The following SEMA6A variants were observed in gnomAD, a reference collection of about 807,000 sequenced individuals.
The protein encoded by SEMA6A is semaphorin-6A.
A neutral mutation model predicts 96.8 loss-of-function variants in SEMA6A; 25 were observed. The ratio of observed to expected loss-of-function variants is 0.26; its 90% confidence interval spans 0.19 to 0.36. The LOEUF is 0.36. Ranked by LOEUF, SEMA6A falls within the 10% of genes least tolerant of loss-of-function variation. The pLI is 1.00. For missense variants in SEMA6A, 1,363 were observed against 1,323.1 expected (o/e 1.03, Z -0.47); for synonymous variants, 612 against 518.0 (o/e 1.18, Z -2.46).
Position 116,477,999 on chromosome 5 carries a change from A to T in SEMA6A, c.1568+15T>A. ...ACCATGGACTTTCTAATTGTCAATG[A>T]GGCAAAATACATACTTTTTACACTT... On this transcript the variant is annotated intron_variant, in intron 14 of 18. Coordinates refer to ENST00000343348, the MANE Select transcript of SEMA6A (RefSeq NM_020796.5). The T allele has an allele frequency of 6.2e-7, 1 of 1,613,982 alleles. No homozygotes were observed. Among genetic ancestry groups the T allele is most frequent in the Non-Finnish European group, 8.5e-7 (1 of 1,179,864 alleles).
At chr5:116,549,708 C>T (rs1760321206) in intron 1 of SEMA6A, among the ~76,000 whole-genome samples, 1 of 152,140 alleles carries the variant, frequency 6.6e-6, no homozygotes, top group African/African-American at 2.4e-5. Context: ...TTTCTGGTGA[C>T]AACAGGAATG....
At chr5:116,486,110 G>C (rs1757036424) in intron 10 of SEMA6A, among the ~76,000 whole-genome samples, 1 of 152,174 alleles carries the variant, frequency 6.6e-6, no homozygotes, top group Admixed American at 6.5e-5. Flanking sequence ...GTCAGATTCT[G>C]GTGCTGTGGT....
chr5:116,563,415 C>A (rs78612282), intron 1 of SEMA6A, among the ~76,000 whole-genome samples: 2,262 of 152,256 alleles, frequency 0.015, 59 homozygotes, highest in African/African-American at 0.052. Flanking sequence ...TGCAGAATCA[C>A]ATTTTTCCTT....
intron 15 of SEMA6A, among the ~76,000 whole-genome samples, chr5:116,476,988 T>A (rs1177039000): frequency 6.6e-6 from 1 of 152,208 alleles, no homozygotes; most frequent in African/African-American, 2.4e-5. Flanking sequence ...TTTGTTTAGC[T>A]ATTCTGAAAT....
At position 116,447,121 on chromosome 5, in the gene SEMA6A, T is replaced by G; in HGVS notation, c.2585A>C (p.Lys862Thr). The G allele has an allele frequency of 5.0e-6, 8 of 1,613,990 alleles. No individual in the cohort carries two copies. The highest frequency in any genetic ancestry group is 6.8e-6 in the Non-Finnish European group (8 of 1,179,878). ...AAGGTTCACCCCATGGTTGGGACTC[T>G]TGCTGCTGAGATGTTCCTTGATGGT... Reference protein sequence around the residue: ...YKTIKEHLSSKSPNHGVNLVE... With the variant: ...YKTIKEHLSSTSPNHGVNLVE... Residue 862 changes from lysine (K) to threonine (T), a missense_variant, in exon 19 of 19, where the codon AAG becomes ACG. Lys to Thr is a moderately conservative substitution (Grantham distance 78). Coordinates refer to ENST00000343348, the MANE Select transcript of SEMA6A (RefSeq NM_020796.5).
At chr5:116,573,682 G>A (rs1761335715) in intron 1 of SEMA6A, among the ~76,000 whole-genome samples, 1 of 152,062 alleles carries the variant, frequency 6.6e-6, no homozygotes, top group South Asian at 2.1e-4. Context: ...CACCGTCTCC[G>A]CGGAACCCCT....
At chr5:116,540,231 T>C (rs919050734) in intron 1 of SEMA6A, among the ~76,000 whole-genome samples, 1 of 152,248 alleles carries the variant, frequency 6.6e-6, no homozygotes, top group African/African-American at 2.4e-5. Flanking sequence ...GGGAAAAGTA[T>C]GCATTATCAT....
At position 116,478,534 on chromosome 5, in the gene SEMA6A, C is replaced by A; in HGVS notation, c.1427+8G>T. ...AATTACTAAGAAAGAACCAAATATTCCACTTACTTTTCAGAGTTGTAAACA... is the reference window on the plus strand; with the variant it reads ...AATTACTAAGAAAGAACCAAATATTACACTTACTTTTCAGAGTTGTAAACA... On this transcript the variant is annotated splice_region_variant and intron_variant, in intron 13 of 18. Transcript: ENST00000343348. 2 of 1,599,330 alleles carry A rather than the reference C, an allele frequency of 1.3e-6. No individual in the cohort carries two copies. Among genetic ancestry groups the A allele is most frequent in the South Asian group, 1.1e-5 (1 of 87,794 alleles).
intron 6 of SEMA6A, among the ~76,000 whole-genome samples, chr5:116,495,062 G>A (rs1358038548): frequency 6.6e-6 from 1 of 152,160 alleles, no homozygotes; most frequent in Non-Finnish European, 1.5e-5. Context: ...CCATATAAGT[G>A]TGCTTTTGTG....
intron 12 of SEMA6A, 94 bp from the exon 13 acceptor site, chr5:116,478,812 G>A: frequency 1.6e-6 from 2 of 1,232,138 alleles, no homozygotes; most frequent in Non-Finnish European, 2.3e-6. Context: ...TAGCCTTCTA[G>A]TAATAACCTC....
At chr5:116,456,405 C>A (rs557684172) in intron 18 of SEMA6A, among the ~76,000 whole-genome samples, 1 of 152,176 alleles carries the variant, frequency 6.6e-6, no homozygotes, top group East Asian at 1.9e-4. Context: ...TGGATAATTT[C>A]TTTACTGTGG....
chr5:116,520,803 C>T (rs1344911453), intron 1 of SEMA6A, among the ~76,000 whole-genome samples: 3 of 152,122 alleles, frequency 2.0e-5, no homozygotes, highest in Non-Finnish European at 2.9e-5. Context: ...TTTAGGGTCC[C>T]CATGGAGAAC....
chr5:116,449,539 G>C, intron 18 of SEMA6A: 1 of 543,254 alleles, frequency 1.8e-6, no homozygotes, highest in Non-Finnish European at 3.3e-6. Context: ...GGGTTTTTCT[G>C]CTAAAATATT....
At chr5:116,519,055 C>G (rs1758803706) in intron 1 of SEMA6A, among the ~76,000 whole-genome samples, 1 of 151,926 alleles carries the variant, frequency 6.6e-6, no homozygotes, top group South Asian at 2.1e-4. Flanking sequence ...ATGTGTTCTT[C>G]ACATATCTAT....
Position 116,446,260 on chromosome 5 carries a change from G to T in SEMA6A, c.*353C>A. On this transcript the variant is annotated 3_prime_UTR_variant, in exon 19 of 19. Coordinates refer to ENST00000343348, the MANE Select transcript of SEMA6A (RefSeq NM_020796.5). ...CTGTGCGTGTGTGTGTATGTGTTGT[G>T]TGCATGTGTGTGTGTGTGTGTGTGT... 1 of 85,578 alleles carries T rather than the reference G, an allele frequency of 1.2e-5. No homozygotes were observed. The highest frequency in any genetic ancestry group is 1.9e-4 in the Admixed American group (1 of 5,376). 5.3% of individuals were successfully genotyped at this position (85,578 alleles called of 1,614,324 possible). A position where few individuals can be genotyped will look rare whatever the true frequency, so the allele number is the denominator to read the frequency against.
chr5:116,479,600 T>A (rs1035463174), intron 12 of SEMA6A, among the ~76,000 whole-genome samples: 1 of 152,142 alleles, frequency 6.6e-6, no homozygotes, highest in African/African-American at 2.4e-5. Flanking sequence ...AAGGAAGAGT[T>A]TTTTAATACT....
At position 116,488,867 on chromosome 5, in the gene SEMA6A, T is replaced by C. The variant is rs533738470; in HGVS notation, c.655+21A>G. On this transcript the variant is annotated intron_variant, in intron 8 of 18. Coordinates refer to ENST00000343348, the MANE Select transcript of SEMA6A (RefSeq NM_020796.5). Reference sequence around the variant, plus strand: ...GTATTCCCCTCCCCTCCGACCCTCCTTCTTTTAATTGTTTGTTCACCTTTC... The same window carrying C: ...GTATTCCCCTCCCCTCCGACCCTCCCTCTTTTAATTGTTTGTTCACCTTTC... 233 of 1,548,652 alleles carry C rather than the reference T, an allele frequency of 1.5e-4. 1 individual carries two copies. In the South Asian group the frequency reaches 1.8e-3, roughly 12 times the overall value.
chr5:116,497,476 A>T, intron 3 of SEMA6A, 89 bp from the exon 4 acceptor site: 1 of 730,696 alleles, frequency 1.4e-6, no homozygotes, highest in Admixed American at 2.8e-5. Context: ...ATCAGGGCAG[A>T]TAAGCCCATA....
chr5:116,505,778 C>G (rs889412397), intron 1 of SEMA6A, among the ~76,000 whole-genome samples: 2 of 151,786 alleles, frequency 1.3e-5, no homozygotes, highest in Non-Finnish European at 2.9e-5. Context: ...ATATACTGTT[C>G]TACCCATCTG....
Sources: allele counts gnomAD v4.1 joint callset (sites outside exome capture counted in the v4.1 genomes callset), GRCh38; gene constraint gnomAD v4.1.1; transcripts MANE v1.5; gene names NCBI Gene and HGNC (gene_info 2026-07-23, HGNC 2026-07-21).